The following MET variants were observed in gnomAD, a reference collection of about 807,000 sequenced individuals.
The protein encoded by MET is MET proto-oncogene, receptor tyrosine kinase, also known as hepatocyte growth factor receptor.
Under a neutral mutation model 133.1 loss-of-function variants are expected in MET, and 48 were observed. That is an observed-to-expected ratio of 0.36 (90% confidence interval 0.29 to 0.46). MET has a LOEUF of 0.46. Ranked by LOEUF, MET falls within the 20% of genes least tolerant of loss-of-function variation. The pLI is 1.00. For missense variants in MET, 1,442 were observed against 1,695.9 expected, an observed-to-expected ratio of 0.85 and a Z score of 2.63; for synonymous variants, 628 against 616.5, an observed-to-expected ratio of 1.02 and a Z score of -0.28.
chr7:116,766,909 T>C (rs1263855843), intron 11 of MET, among the ~76,000 whole-genome samples: 1 of 152,186 alleles, frequency 6.6e-6, no homozygotes, highest in Non-Finnish European at 1.5e-5. Flanking sequence ...AGGGAAGTTT[T>C]CCCCAAAATG....
intron 2 of MET, among the ~76,000 whole-genome samples, 182 bp from the exon 3 acceptor site, chr7:116,731,486 G>C (rs1166791252): frequency 6.6e-6 from 1 of 152,124 alleles, no homozygotes; most frequent in African/African-American, 2.4e-5. Context: ...TATAAATAAT[G>C]CCTAGTGAAA....
chr7:116,744,309 T>C (rs1444658555), intron 5 of MET, among the ~76,000 whole-genome samples: 1 of 151,196 alleles, frequency 6.6e-6, no homozygotes, highest in Non-Finnish European at 1.5e-5. Flanking sequence ...GCTAGAGGAA[T>C]TGCTAACTAG....
At chr7:116,789,806 C>A (rs563189410) in intron 19 of MET, among the ~76,000 whole-genome samples, 3 of 152,034 alleles carry the variant, frequency 2.0e-5, no homozygotes, top group Non-Finnish European at 4.4e-5. Context: ...ACCATCTGAA[C>A]GATTTTTATT....
At chr7:116,790,624 A>T (rs572350205) in intron 19 of MET, among the ~76,000 whole-genome samples, 103 of 152,300 alleles carry the variant, frequency 6.8e-4, no homozygotes, top group African/African-American at 2.4e-3. Context: ...TTGTATATAC[A>T]CACAGAGACA....
intron 3 of MET, among the ~76,000 whole-genome samples, chr7:116,737,337 G>A (rs1202298146): frequency 6.6e-6 from 1 of 152,232 alleles, no homozygotes; most frequent in Admixed American, 6.5e-5. Context: ...CTTAACTTGT[G>A]CAGCAAAAAT....
intron 1 of MET, among the ~76,000 whole-genome samples, chr7:116,692,162 A>G: frequency 6.6e-6 from 1 of 152,198 alleles, no homozygotes; most frequent in East Asian, 1.9e-4. Context: ...ATTTCAGATA[A>G]TATTTTCTCC....
intron 1 of MET, among the ~76,000 whole-genome samples, chr7:116,691,301 A>G (rs1438228501): frequency 6.6e-6 from 1 of 152,186 alleles, no homozygotes; most frequent in Non-Finnish European, 1.5e-5. Context: ...AGAAATCTTA[A>G]CTAATAGATA....
intron 1 of MET, among the ~76,000 whole-genome samples, chr7:116,685,192 G>C (rs987466238): frequency 6.6e-6 from 1 of 152,108 alleles, no homozygotes; most frequent in Non-Finnish European, 1.5e-5. Context: ...CTTTGGTGGC[G>C]CCATCACTCA....
rs749438942 is a variant in MET, at chr7:116,795,717, A to G, written c.3861A>G (p.Val1287=). ...MTRGAPPYPD[V]NTFDITVYLL... Reference sequence around the variant, plus strand: ...GAGGAGCCCCACCTTATCCTGACGTAAACACCTTTGATATAACTGTTTACT... The same window carrying G: ...GAGGAGCCCCACCTTATCCTGACGTGAACACCTTTGATATAACTGTTTACT... The change falls in exon 20 of 21, where the codon GTA becomes GTG. Residue 1287 remains valine, a synonymous_variant. Coordinates refer to ENST00000397752, the MANE Select transcript of MET (RefSeq NM_000245.4). The G allele has an allele frequency of 6.2e-7, 1 of 1,614,170 alleles. No homozygotes were observed. Among genetic ancestry groups the G allele is most frequent in the Non-Finnish European group, 8.5e-7 (1 of 1,180,026 alleles).
chr7:116,781,598 G>A (rs1388437607), intron 17 of MET, among the ~76,000 whole-genome samples: 3 of 152,140 alleles, frequency 2.0e-5, no homozygotes, highest in African/African-American at 7.2e-5. Flanking sequence ...TGGAGACAAG[G>A]TCTCTGTCAC....
At position 116,757,635 on chromosome 7, in the gene MET, C is replaced by T. The variant is rs1490997489; in HGVS notation, c.1966-3C>T. On this transcript the variant is annotated splice_region_variant and splice_polypyrimidine_tract_variant and intron_variant, in intron 7 of 20. Coordinates refer to ENST00000397752, the MANE Select transcript of MET (RefSeq NM_000245.4). Reference sequence around the variant, plus strand: ...CTTTGTTTTGTTTTTATCTCCCCTCCAGGATCCTGTAATAACAAGTATTTC... The same window carrying T: ...CTTTGTTTTGTTTTTATCTCCCCTCTAGGATCCTGTAATAACAAGTATTTC... 1.9e-6 allele frequency: 3 copies of T among 1,613,812 alleles called. No individual in the cohort carries two copies. The highest frequency in any genetic ancestry group is 1.1e-5 in the South Asian group (1 of 91,082).
chr7:116,716,495 AAG>A (rs1285934494), intron 2 of MET, among the ~76,000 whole-genome samples: 2 of 150,006 alleles, frequency 1.3e-5, no homozygotes, highest in East Asian at 3.9e-4. Flanking sequence ...GAAAGAAAGA[AAG>A]AAAGAAAGAA....
chr7:116,731,571 A>G lies in MET; in HGVS notation c.1201-97A>G, dbSNP rs185915651. 1.1e-5 allele frequency: 14 copies of G among 1,267,828 alleles called. No homozygotes were observed. The East Asian group carries it at 3.0e-4, about 27-fold the overall frequency. 78.5% of individuals were successfully genotyped at this position (1,267,828 alleles called of 1,614,324 possible). ...GTCTATTTGCATGATTATCCTTGCC[A>G]TTATCCTCCAGGCTCTGAAAATACA... On this transcript the variant is annotated intron_variant, in intron 2 of 20. Coordinates refer to ENST00000397752, the MANE Select transcript of MET (RefSeq NM_000245.4).
At chr7:116,741,084 G>GTTTT in intron 5 of MET, 59 bp downstream of exon 5, 1 of 1,191,404 alleles carries the variant, frequency 8.4e-7, no homozygotes, top group South Asian at 1.6e-5. Flanking sequence ...TTTTTTTTTT[G>GTTTT]GTTTGGTTTG....
At position 116,740,864 on chromosome 7, in the gene MET, C is replaced by G. The variant is rs756526057; in HGVS notation, c.1540C>G (p.Pro514Ala). 5 of 1,613,966 alleles carry G rather than the reference C, an allele frequency of 3.1e-6. No individual in the cohort carries two copies. The highest frequency in any genetic ancestry group is 3.4e-6 in the Non-Finnish European group (4 of 1,180,034). ...CTTCTCTTCACAGATCACGAAGATCCCATTGAATGGCTTGGGCTGCAGACA... is the reference window on the plus strand; with the variant it reads ...CTTCTCTTCACAGATCACGAAGATCGCATTGAATGGCTTGGGCTGCAGACA... ...VITGKKITKI[P>A]LNGLGCRHFQ... is the part of the protein sequence containing the mutation. The change falls in exon 5 of 21, where the codon CCA (proline) becomes GCA (alanine). Residue 514 changes from proline to alanine, a missense_variant. Transcript: ENST00000397752.
At chr7:116,781,945 G>A (rs2117059046) in intron 17 of MET, 43 bp from the exon 18 acceptor site, 1 of 1,186,250 alleles carries the variant, frequency 8.4e-7, no homozygotes, top group Non-Finnish European at 1.3e-6. Flanking sequence ...AATTAGAACA[G>A]TAGATGCTTA....
chr7:116,784,165 T>G (rs996482112), intron 19 of MET, among the ~76,000 whole-genome samples: 7 of 152,164 alleles, frequency 4.6e-5, no homozygotes, highest in African/African-American at 1.4e-4. Flanking sequence ...CCTGTAAAGT[T>G]ATAAGGAAAC....
intron 2 of MET, among the ~76,000 whole-genome samples, chr7:116,715,002 C>G (rs1157169853): frequency 1.3e-5 from 2 of 152,100 alleles, no homozygotes; most frequent in African/African-American, 4.8e-5. Flanking sequence ...AATTGAGGCT[C>G]ATTGATCTAA....
intron 1 of MET, among the ~76,000 whole-genome samples, chr7:116,680,750 T>C (rs1357385277): frequency 1.3e-5 from 2 of 152,086 alleles, no homozygotes; most frequent in Non-Finnish European, 2.9e-5. Context: ...GAGACCAGCC[T>C]GGGCAACATA....
Sources: gnomAD v4.1 joint callset for allele counts (sites outside exome capture counted in the v4.1 genomes callset) on GRCh38, gnomAD v4.1.1 for gene constraint, MANE v1.5 for transcripts, NCBI Gene and HGNC (gene_info 2026-07-23, HGNC 2026-07-21) for gene names.